The following IFIH1 variants were observed in gnomAD, a reference collection of about 807,000 sequenced individuals.
The protein encoded by IFIH1 is interferon induced with helicase C domain 1.
Under a neutral mutation model 107.4 loss-of-function variants are expected in IFIH1, and 125 were observed. That is an observed-to-expected ratio of 1.16 (90% CI 1.01 to 1.35). The LOEUF is 1.35. Ranked by LOEUF, IFIH1 falls within the 40% of genes most tolerant of loss-of-function variation. The probability of loss-of-function intolerance (pLI) is 0.00; values close to 1 mark genes in which losing one functional copy is unlikely to be tolerated. For synonymous variants in IFIH1, 458 were observed against 413.2 expected (o/e 1.11, Z -1.31); for missense variants, 1,333 against 1,213.7 (o/e 1.10, Z -1.46).
At chr2:162,287,887 T>C (rs972306923) in intron 5 of IFIH1, among the ~76,000 whole-genome samples, 1 of 151,910 alleles carries the variant, frequency 6.6e-6, no homozygotes. Flanking sequence ...CTCCCAGGTG[T>C]TGGGGCTACA....
intron 3 of IFIH1, among the ~76,000 whole-genome samples, chr2:162,294,241 T>C (rs1683047315): frequency 1.3e-5 from 2 of 151,956 alleles, no homozygotes; most frequent in South Asian, 4.1e-4. Context: ...TGGAAATAAC[T>C]GTTTTTCTTT....
intron 3 of IFIH1, among the ~76,000 whole-genome samples, chr2:162,305,356 G>A (rs2105225560): frequency 6.6e-6 from 1 of 152,244 alleles, no homozygotes; most frequent in African/African-American, 2.4e-5. Context: ...GATCACCTGA[G>A]GTCAGGAGTT....
rs781431529 is a variant in IFIH1 at position 162,310,930 on chromosome 2, C to A, written c.457G>T (p.Ala153Ser). ...LLTIEDRNRI[A>S]AAENNGNESG... ...TCATTTCCATTGTTTTCTGCAGCAG[C>A]AATCTGTTGTAAGAGAAAATTAGAA... The change falls in exon 2 of 16, where the codon GCT (alanine) becomes TCT (serine). Residue 153 changes from alanine to serine, a missense_variant. Transcript: ENST00000649979. 7 of 1,611,800 alleles carry A rather than the reference C, an allele frequency of 4.3e-6. No individual in the cohort carries two copies. The Middle Eastern group carries it at 5.0e-4, about 114-fold the overall frequency.
intron 3 of IFIH1, among the ~76,000 whole-genome samples, chr2:162,297,400 A>T (rs1683110605): frequency 6.6e-6 from 1 of 152,156 alleles, no homozygotes; most frequent in African/African-American, 2.4e-5. Flanking sequence ...TATGAAAAAA[A>T]TTTGTGCTTT....
rs1463353115 is a variant in IFIH1, at chr2:162,293,553, T to A, written c.874+11A>T. ...ACACTTTTTAAGGTTTACACAACAG[T>A]TAGGCAGTACCTGAATCACTTCCCA... On this transcript the variant is annotated intron_variant, in intron 4 of 15. Transcript: ENST00000649979. The A allele has an allele frequency of 3.2e-6, 5 of 1,569,504 alleles. No individual in the cohort carries two copies. The highest frequency in any genetic ancestry group is 4.4e-6 in the Non-Finnish European group (5 of 1,141,010).
Position 162,267,283 on chromosome 2 carries a change from G to T in IFIH1, c.2995C>A (p.Gln999Lys), listed in dbSNP as rs1361357020. ...VVFKNNSTKKQYKKWVELPIT... is the reference protein window; with the variant it reads ...VVFKNNSTKKKYKKWVELPIT... Reference sequence around the variant, plus strand: ...GGTAATTCTACCCACTTTTTGTATTGTTTCTTTGTTGAATTATTTTTGAAA... The same window carrying T: ...GGTAATTCTACCCACTTTTTGTATTTTTTCTTTGTTGAATTATTTTTGAAA... Residue 999 changes from glutamine to lysine, a missense_variant, in exon 16 of 16, where the codon CAA becomes AAA. Transcript: ENST00000649979. 1 of 1,610,784 alleles carries T rather than the reference G, an allele frequency of 6.2e-7. No homozygotes were observed. Among genetic ancestry groups the T allele is most frequent in the South Asian group, 1.1e-5 (1 of 89,900 alleles).
intron 2 of IFIH1, 91 bp downstream of exon 2, chr2:162,310,674 C>A (rs977728594): frequency 4.9e-6 from 5 of 1,019,454 alleles, no homozygotes; most frequent in Non-Finnish European, 6.0e-6. Flanking sequence ...TTCTAAAAAT[C>A]TTGGTGTTTA....
intron 10 of IFIH1, 25 bp from the exon 11 acceptor site, chr2:162,276,971 A>G (rs576213696): frequency 6.4e-7 from 1 of 1,560,164 alleles, no homozygotes; most frequent in Non-Finnish European, 8.7e-7. Context: ...TAGAGTTGAT[A>G]TGTTAACAAG....
chr2:162,277,484 C>CCCT lies in IFIH1; in HGVS notation c.1974_1975insAGG (p.Glu658_Asp659insArg), dbSNP rs1419608053. On this transcript the variant is annotated inframe_insertion, in exon 10 of 16. Transcript: ENST00000649979. ...AAAGGTTTCTTTAAATCATCCTCAT[C>CCCT]TTCATCACCATCACAATACTCATCA... 1 of 1,602,026 alleles carries CCCT rather than the reference C, an allele frequency of 6.2e-7. No individual in the cohort carries two copies. The highest frequency in any genetic ancestry group is 2.2e-5 in the East Asian group (1 of 44,728).
At chr2:162,276,279 A>T (rs1691153084) in intron 11 of IFIH1, among the ~76,000 whole-genome samples, 1 of 152,170 alleles carries the variant, frequency 6.6e-6, no homozygotes, top group South Asian at 2.1e-4. Flanking sequence ...AAGACTAAAA[A>T]CAATTTGAGA....
At chr2:162,271,673 T>A (rs1208972958) in intron 13 of IFIH1, among the ~76,000 whole-genome samples, 1 of 152,226 alleles carries the variant, frequency 6.6e-6, no homozygotes, top group Non-Finnish European at 1.5e-5. Flanking sequence ...TTGTTTCATA[T>A]CATCCTATTC....
Position 162,318,247 on chromosome 2 carries a change from T to C in IFIH1, c.61A>G (p.Arg21Gly), listed in dbSNP as rs1423655284. ...FRYLISCFRARVKMYIQVEPV... is the reference protein window; with the variant it reads ...FRYLISCFRAGVKMYIQVEPV... ...TCCACCTGGATGTACATTTTCACCC[T>C]GGCCCTGAAGCACGAGATGAGATAG... Residue 21 changes from arginine (R) to glycine (G), a missense_variant, in exon 1 of 16, where the codon AGG becomes GGG. Arg to Gly is a moderately radical substitution (Grantham distance 125, BLOSUM62 -2). Transcript: ENST00000649979. The C allele has an allele frequency of 1.1e-5, 18 of 1,614,152 alleles. No homozygotes were observed. The highest frequency in any genetic ancestry group is 1.4e-5 in the Non-Finnish European group (17 of 1,180,028).
At chr2:162,277,032 C>A in intron 10 of IFIH1, 86 bp from the exon 11 acceptor site, 1 of 874,100 alleles carries the variant, frequency 1.1e-6, no homozygotes, top group Non-Finnish European at 1.7e-6. Flanking sequence ...TTTTGTACAC[C>A]AAAAATATAC....
intron 3 of IFIH1, among the ~76,000 whole-genome samples, chr2:162,293,982 G>T (rs1337971651): frequency 2.0e-5 from 3 of 151,788 alleles, no homozygotes; most frequent in Non-Finnish European, 4.4e-5. Flanking sequence ...TGTTGCCCAA[G>T]AAAACACTAT....
At chr2:162,278,362 T>C (rs1200304163) in intron 8 of IFIH1, 34 bp from the exon 9 acceptor site, 2 of 1,033,574 alleles carry the variant, frequency 1.9e-6, no homozygotes, top group Admixed American at 4.8e-5. Flanking sequence ...TCTTATGTAT[T>C]CTTATTGTTA....
chr2:162,272,270 T>G lies in IFIH1; in HGVS notation c.2572A>C (p.Ile858Leu), dbSNP rs1315217655. 6.2e-7 allele frequency: 1 copy of G among 1,612,788 alleles called. No homozygotes were observed. The highest frequency in any genetic ancestry group is 1.1e-5 in the South Asian group (1 of 90,964). ...DFREKMMYKA[I>L]HCVQNMKPEE... ...GGTTTCATATTTTGAACACAATGTATAGCTTTATACATCATCTTCTCTCGG... is the reference window on the plus strand; with the variant it reads ...GGTTTCATATTTTGAACACAATGTAGAGCTTTATACATCATCTTCTCTCGG... Residue 858 changes from isoleucine (I) to leucine (L), a missense_variant, in exon 13 of 16, where the codon ATA becomes CTA. Physicochemically the swap from Ile to Leu is conservative, Grantham distance 5. Transcript: ENST00000649979.
At chr2:162,300,334 C>A (rs766832945) in intron 3 of IFIH1, among the ~76,000 whole-genome samples, 127 of 152,246 alleles carry the variant, frequency 8.3e-4, no homozygotes, top group Non-Finnish European at 1.5e-3. Flanking sequence ...GCTAAAAAAA[C>A]AGCTTTATGT....
intron 4 of IFIH1, among the ~76,000 whole-genome samples, chr2:162,288,784 G>C (rs1682942021): frequency 6.6e-6 from 1 of 151,816 alleles, no homozygotes; most frequent in Non-Finnish European, 1.5e-5. Flanking sequence ...AAATCAAGAG[G>C]AGCTGAGAAA....
At chr2:162,314,396 C>CTTCTTTCTTTCTTTCTTTCTTTCTT (rs1382882893) in intron 1 of IFIH1, among the ~76,000 whole-genome samples, 2 of 66,670 alleles carry the variant, frequency 3.0e-5, no homozygotes, top group East Asian at 5.9e-4. Flanking sequence ...CCCTCCCTCC[C>CTTCTTTCTTTCTTTCTTTCTTTCTT]TCCTTTCTTT....
Sources: allele counts gnomAD v4.1 joint callset (sites outside exome capture counted in the v4.1 genomes callset), GRCh38; gene constraint gnomAD v4.1.1; transcripts MANE v1.5; gene names NCBI Gene and HGNC (gene_info 2026-07-23, HGNC 2026-07-21).